HS6ST3: variants seen among roughly 807,000 people sequenced by gnomAD.
HS6ST3 encodes the protein heparan sulfate 6-O-sulfotransferase 3.
In HS6ST3, 12 loss-of-function variants were observed where a neutral mutation model predicts 36.7. That is an observed-to-expected ratio of 0.33 (90% CI 0.21 to 0.53). The LOEUF (loss-of-function observed/expected upper bound fraction) is 0.53, where lower values mean the gene tolerates loss of function less well. HS6ST3 is among the 20% of genes least tolerant of loss of function. HS6ST3 has a pLI of 0.95. For missense variants in HS6ST3, 584 were observed against 640.9 expected (o/e 0.91, Z 0.96); for synonymous variants, 240 against 257.5 (o/e 0.93, Z 0.65).
intron 1 of HS6ST3, among the ~76,000 whole-genome samples, chr13:96,411,679 C>T (rs573699062): frequency 2.0e-5 from 3 of 152,076 alleles, no homozygotes; most frequent in African/African-American, 4.8e-5. Flanking sequence ...ACAGATTGGC[C>T]GGAAACCTGA....
At chr13:96,831,555 G>T (rs995113407) in intron 1 of HS6ST3, among the ~76,000 whole-genome samples, 12 of 152,126 alleles carry the variant, frequency 7.9e-5, no homozygotes, top group African/African-American at 2.9e-4. Context: ...AAAGCATGTA[G>T]CACAGTTCCT....
intron 1 of HS6ST3, among the ~76,000 whole-genome samples, chr13:96,196,879 T>C (rs940747487): frequency 4.6e-5 from 7 of 152,262 alleles, no homozygotes; most frequent in Non-Finnish European, 7.3e-5. Flanking sequence ...TGGCATCTGC[T>C]GATCCACTCA....
intron 1 of HS6ST3, among the ~76,000 whole-genome samples, chr13:96,377,446 G>A (rs190513960): frequency 3.9e-5 from 6 of 152,154 alleles, no homozygotes; most frequent in Admixed American, 1.3e-4. Flanking sequence ...TTTTAAAAGC[G>A]AAAATACACA....
intron 1 of HS6ST3, among the ~76,000 whole-genome samples, chr13:96,331,459 C>G (rs1371978977): frequency 6.6e-6 from 1 of 152,182 alleles, no homozygotes; most frequent in Non-Finnish European, 1.5e-5. Context: ...TCAGTGTGCC[C>G]CTGCCGGGGG....
intron 1 of HS6ST3, among the ~76,000 whole-genome samples, chr13:96,213,589 C>T (rs189903513): frequency 5.1e-4 from 77 of 151,544 alleles, no homozygotes; most frequent in African/African-American, 1.7e-3. Context: ...TGCAGTGGCA[C>T]GGTCTCAGCT....
intron 1 of HS6ST3, among the ~76,000 whole-genome samples, chr13:96,632,378 A>T (rs182409566): frequency 1.5e-4 from 23 of 152,014 alleles, no homozygotes; most frequent in Admixed American, 1.0e-3. Context: ...ATTTTGTTAC[A>T]GCAGCAGGAA....
In HS6ST3 at chr13:96,117,617, T is replaced by C. The variant is rs139462887; in HGVS notation, c.707+26048T>C. Among the ~76,000 whole-genome samples the C allele has an allele frequency of 5.6e-3, 852 of 152,124 alleles. 11 individuals carry two copies. Among genetic ancestry groups the C allele is most frequent in the African/African-American group, 0.02 (813 of 41,504 alleles). ...AGTGATGATGAATGACTGCAGCACA[T>C]GGAAATGCTGCAGAAATGCCAAAAA... is the stretch of plus-strand genomic sequence containing the variant. On this transcript the variant is annotated intron_variant, in intron 1 of 1. Transcript: ENST00000376705.
intron 1 of HS6ST3, among the ~76,000 whole-genome samples, chr13:96,816,495 T>C (rs1240807219): frequency 6.6e-6 from 1 of 152,210 alleles, no homozygotes; most frequent in Non-Finnish European, 1.5e-5. Flanking sequence ...AACACTGGCC[T>C]TCCTGAGCCA....
chr13:96,447,360 A>G (rs732103), intron 1 of HS6ST3, among the ~76,000 whole-genome samples: 104,045 of 152,022 alleles, frequency 0.68, 37,398 homozygotes, highest in African/African-American at 0.91. Flanking sequence ...CCAGATCTTT[A>G]TATTTTCTTC....
chr13:96,662,469 T>C (rs2056649502), intron 1 of HS6ST3, among the ~76,000 whole-genome samples: 1 of 151,618 alleles, frequency 6.6e-6, no homozygotes, highest in Non-Finnish European at 1.5e-5. Context: ...TGATATTTTT[T>C]TAATCGATCT....
chr13:96,330,916 G>A (rs1159039000), intron 1 of HS6ST3, among the ~76,000 whole-genome samples: 10 of 150,526 alleles, frequency 6.6e-5, no homozygotes, highest in East Asian at 5.9e-4. Context: ...TTCCCTTCTC[G>A]CTTCATTTCA....
intron 1 of HS6ST3, among the ~76,000 whole-genome samples, chr13:96,417,975 A>C (rs956353726): frequency 6.6e-6 from 1 of 152,048 alleles, no homozygotes; most frequent in Non-Finnish European, 1.5e-5. Context: ...GTGTTTATTT[A>C]ATATGTATTG....
chr13:96,753,502 C>A lies in HS6ST3; in HGVS notation c.708-78988C>A, dbSNP rs1876750210. On this transcript the variant is annotated intron_variant, in intron 1 of 1. Transcript: ENST00000376705. The stretch of plus-strand genomic sequence containing the variant: ...AAATGTTATCTATTTGTTAACTATA[C>A]TTTCTTTATTGTTATTGGTGTAAAA... Among the ~76,000 whole-genome samples the A allele has an allele frequency of 3.3e-5, 5 of 152,094 alleles. No homozygotes were observed. The South Asian group carries it at 1.0e-3, about 32-fold the overall frequency.
chr13:96,434,842 T>A (rs2055633771), intron 1 of HS6ST3, among the ~76,000 whole-genome samples: 1 of 152,200 alleles, frequency 6.6e-6, no homozygotes, highest in South Asian at 2.1e-4. Context: ...AGATTATTAA[T>A]CCCTTGATTA....
At chr13:96,180,887 CT>C (rs1333183062) in intron 1 of HS6ST3, among the ~76,000 whole-genome samples, 1 of 152,128 alleles carries the variant, frequency 6.6e-6, no homozygotes, top group Non-Finnish European at 1.5e-5. Flanking sequence ...TTTCCTTCTC[CT>C]TTTTTTCTTT....
intron 1 of HS6ST3, among the ~76,000 whole-genome samples, chr13:96,354,379 G>C (rs1450925980): frequency 6.6e-6 from 1 of 152,102 alleles, no homozygotes; most frequent in African/African-American, 2.4e-5. Context: ...TAAAAACAGA[G>C]CTATTGAGAA....
chr13:96,259,805 A>G (rs2054655275), intron 1 of HS6ST3, among the ~76,000 whole-genome samples: 1 of 152,226 alleles, frequency 6.6e-6, no homozygotes, highest in African/African-American at 2.4e-5. Context: ...ACTATTGATT[A>G]GCATCTCTGT....
At chr13:96,643,256 C>G (rs1201037708) in intron 1 of HS6ST3, among the ~76,000 whole-genome samples, 1 of 151,900 alleles carries the variant, frequency 6.6e-6, no homozygotes, top group Non-Finnish European at 1.5e-5. Flanking sequence ...CAGGGGAACA[C>G]TTTTAATACT....
intron 1 of HS6ST3, among the ~76,000 whole-genome samples, chr13:96,297,134 A>C (rs1326916149): frequency 6.6e-6 from 1 of 151,982 alleles, no homozygotes; most frequent in Non-Finnish European, 1.5e-5. Context: ...CTATATTTCA[A>C]ACTAACTGTT....
Sources: gnomAD v4.1 joint callset for allele counts (sites outside exome capture counted in the v4.1 genomes callset) on GRCh38, gnomAD v4.1.1 for gene constraint, MANE v1.5 for transcripts, NCBI Gene and HGNC (gene_info 2026-07-23, HGNC 2026-07-21) for gene names.